The following UTRN variants were observed in gnomAD, a reference collection of about 807,000 sequenced individuals.
UTRN encodes dystrophin-related protein 1.
Under a neutral mutation model 463.9 loss-of-function variants are expected in UTRN, and 283 were observed. The ratio of observed to expected loss-of-function variants is 0.61; its 90% CI spans 0.55 to 0.67. The LOEUF is 0.67. Ranked by LOEUF, UTRN falls within the 30% of genes least tolerant of loss-of-function variation. UTRN has a pLI of 0.00. For missense variants in UTRN, 3,922 were observed against 4,084.3 expected (o/e 0.96, Z 1.08); for synonymous variants, 1,442 against 1,431.5 (o/e 1.01, Z -0.17).
At position 144,849,821 on chromosome 6, in the gene UTRN, C is replaced by T. The variant is rs1782333503; in HGVS notation, c.10294-1168C>T. Among the ~76,000 whole-genome samples, 3 of 152,150 alleles carry T rather than the reference C, an allele frequency of 2.0e-5. No individual in the cohort carries two copies. In the South Asian group the frequency reaches 6.2e-4, roughly 32 times the overall value. On this transcript the variant is annotated intron_variant, in intron 74 of 74. Transcript: ENST00000367545. ...TATATAGGCACAATTCAAAAATCCTCTTGGCTTTATATTTAACATGAATCA... is the reference window on the plus strand; with the variant it reads ...TATATAGGCACAATTCAAAAATCCTTTTGGCTTTATATTTAACATGAATCA...
intron 51 of UTRN, among the ~76,000 whole-genome samples, chr6:144,628,621 C>G (rs1776188644): frequency 6.6e-6 from 1 of 152,156 alleles, no homozygotes; most frequent in Non-Finnish European, 1.5e-5. Flanking sequence ...CTGAGTTGTT[C>G]TGTGAACTAG....
chr6:144,333,665 G>A (rs1562259891), intron 2 of UTRN, among the ~76,000 whole-genome samples: 1 of 152,042 alleles, frequency 6.6e-6, no homozygotes, highest in African/African-American at 2.4e-5. Context: ...GTGGCAGATC[G>A]GGCTTCTCAG....
chr6:144,420,287 T>C (rs866793130), intron 3 of UTRN, among the ~76,000 whole-genome samples: 1 of 152,216 alleles, frequency 6.6e-6, no homozygotes, highest in South Asian at 2.1e-4. Flanking sequence ...TTATTAAATA[T>C]TACATTGTAT....
chr6:144,681,475 G>T (rs1782187616), intron 52 of UTRN, among the ~76,000 whole-genome samples: 1 of 152,166 alleles, frequency 6.6e-6, no homozygotes. Context: ...CATAAGTAAT[G>T]GTGCAAGCTG....
At chr6:144,556,117 G>A (rs986105550) in intron 49 of UTRN, among the ~76,000 whole-genome samples, 1 of 152,208 alleles carries the variant, frequency 6.6e-6, no homozygotes, top group African/African-American at 2.4e-5. Flanking sequence ...GGAGGTTTTA[G>A]TTGTGAGGTT....
intron 50 of UTRN, among the ~76,000 whole-genome samples, chr6:144,558,721 G>A (rs1799602413): frequency 6.6e-6 from 1 of 152,088 alleles, no homozygotes; most frequent in African/African-American, 2.4e-5. Context: ...GAAAGGTAGG[G>A]GAAGACTCCT....
intron 65 of UTRN, among the ~76,000 whole-genome samples, chr6:144,809,454 C>T (rs1778421850): frequency 6.6e-6 from 1 of 152,054 alleles, no homozygotes; most frequent in Non-Finnish European, 1.5e-5. Context: ...GAGGTATCCT[C>T]ATGCTGAAGA....
intron 2 of UTRN, among the ~76,000 whole-genome samples, chr6:144,319,445 A>G (rs1775489617): frequency 6.6e-6 from 1 of 152,254 alleles, no homozygotes; most frequent in Admixed American, 6.5e-5. Context: ...GTTGACTAAC[A>G]TCTTTCTGCT....
At chr6:144,607,327 T>C (rs9497017) in intron 51 of UTRN, among the ~76,000 whole-genome samples, 3,763 of 152,132 alleles carry the variant, frequency 0.025, 158 homozygotes, top group African/African-American at 0.084. Context: ...AAATTATGCT[T>C]TCCTTTGGAG....
intron 28 of UTRN, 64 bp downstream of exon 28, chr6:144,485,583 T>C (rs1378078596): frequency 6.2e-7 from 1 of 1,600,624 alleles, no homozygotes; most frequent in East Asian, 2.2e-5. Flanking sequence ...TGTATTACAA[T>C]GAGGAATGTA....
intron 66 of UTRN, among the ~76,000 whole-genome samples, chr6:144,824,572 T>TATA (rs1779929254): frequency 4.0e-4 from 15 of 37,920 alleles, no homozygotes; most frequent in East Asian, 1.7e-3. Flanking sequence ...AGCATTTTAT[T>TATA]TATATATATA....
chr6:144,313,367 AAG>A (rs1775065477), intron 2 of UTRN, among the ~76,000 whole-genome samples: 1 of 151,946 alleles, frequency 6.6e-6, no homozygotes, highest in African/African-American at 2.4e-5. Context: ...AAAAAAAAAA[AAG>A]AAAAGAAAAT....
chr6:144,355,502 T>C (rs1778472902), intron 2 of UTRN, among the ~76,000 whole-genome samples: 1 of 152,180 alleles, frequency 6.6e-6, no homozygotes, highest in Non-Finnish European at 1.5e-5. Flanking sequence ...CCTGGCCCAT[T>C]TTTTCTTATT....
chr6:144,836,366 C>T lies in UTRN; in HGVS notation c.9890C>T (p.Ser3297Leu), dbSNP rs1231609974. The T allele has an allele frequency of 2.5e-6, 4 of 1,614,106 alleles. No homozygotes were observed. The highest frequency in any genetic ancestry group is 3.4e-6 in the Non-Finnish European group (4 of 1,179,984). ...QHLRRGLPVGSPPESIISPHH... is the reference protein window; with the variant it reads ...QHLRRGLPVGLPPESIISPHH... ...CTCCGAAGGGGGCTCCCTGTCGGTT[C>T]ACCGCCAGAGTCGATTATATCTCCC... Residue 3297 changes from serine to leucine, a missense_variant, in exon 71 of 75, where the codon TCA becomes TTA. Ser to Leu is a moderately radical substitution (Grantham distance 145). Transcript: ENST00000367545.
At chr6:144,827,167 C>T (rs1204245507) in intron 66 of UTRN, among the ~76,000 whole-genome samples, 181 bp from the exon 67 acceptor site, 4 of 152,132 alleles carry the variant, frequency 2.6e-5, no homozygotes, top group Non-Finnish European at 4.4e-5. Flanking sequence ...GAATACACGG[C>T]GACTTCTCTA....
chr6:144,396,132 A>G (rs1194147179), intron 2 of UTRN, among the ~76,000 whole-genome samples: 2 of 152,196 alleles, frequency 1.3e-5, no homozygotes, highest in African/African-American at 4.8e-5. Flanking sequence ...ACTAGTGCTC[A>G]TCTTTAGACA....
At chr6:144,491,631 A>G (rs1793084411) in intron 32 of UTRN, among the ~76,000 whole-genome samples, 1 of 152,212 alleles carries the variant, frequency 6.6e-6, no homozygotes, top group Admixed American at 6.5e-5. Flanking sequence ...GGCTAAGGGG[A>G]CACAATCTTA....
intron 2 of UTRN, among the ~76,000 whole-genome samples, chr6:144,341,374 C>T (rs935321903): frequency 1.3e-5 from 2 of 151,994 alleles, no homozygotes; most frequent in East Asian, 3.9e-4. Flanking sequence ...AAAAATAAAT[C>T]CTAAGATAGA....
At chr6:144,595,537 C>T (rs890417479) in intron 51 of UTRN, among the ~76,000 whole-genome samples, 1 of 152,296 alleles carries the variant, frequency 6.6e-6, no homozygotes, top group African/African-American at 2.4e-5. Flanking sequence ...GGTACATTCT[C>T]TGCCAGTAAA....
Sources: gnomAD v4.1 joint callset for allele counts (sites outside exome capture counted in the v4.1 genomes callset) on GRCh38, gnomAD v4.1.1 for gene constraint, MANE v1.5 for transcripts, NCBI Gene and HGNC (gene_info 2026-07-23, HGNC 2026-07-21) for gene names.